The following SLIT1 variants were observed in gnomAD, a reference collection of about 807,000 sequenced individuals.
SLIT1 encodes the protein slit homolog 1 protein.
In SLIT1, 66 loss-of-function variants were observed where a neutral mutation model predicts 186.1. The ratio of observed to expected loss-of-function variants is 0.35; its 90% CI spans 0.29 to 0.44. The LOEUF is 0.44. Among genes scored for constraint, SLIT1 ranks in the 20% least tolerant of loss-of-function variants. SLIT1 has a pLI of 1.00. For missense variants in SLIT1, 1,638 were observed against 2,037.4 expected, an observed-to-expected ratio of 0.80 and a Z score of 3.77; for synonymous variants, 761 against 833.8, an observed-to-expected ratio of 0.91 and a Z score of 1.50.
intron 1 of SLIT1, among the ~76,000 whole-genome samples, chr10:97,166,916 C>T (rs115371126): frequency 0.014 from 2,101 of 152,262 alleles, 56 homozygotes; most frequent in African/African-American, 0.048. Flanking sequence ...AATCTGAACC[C>T]GTGGCCATCT....
At chr10:97,167,400 C>G (rs1850135035) in intron 1 of SLIT1, among the ~76,000 whole-genome samples, 1 of 152,156 alleles carries the variant, frequency 6.6e-6, no homozygotes, top group Non-Finnish European at 1.5e-5. Context: ...ATTCCCAAAC[C>G]TAAAACCACA....
chr10:97,064,294 G>A, intron 6 of SLIT1, 55 bp from the exon 7 acceptor site: 2 of 1,459,082 alleles, frequency 1.4e-6, no homozygotes, highest in Non-Finnish European at 1.9e-6. Context: ...GATGATGTGG[G>A]ACAGGGCCGC....
chr10:97,085,222 G>A (rs914548079), intron 4 of SLIT1, among the ~76,000 whole-genome samples: 1 of 149,712 alleles, frequency 6.7e-6, no homozygotes, highest in African/African-American at 2.5e-5. Flanking sequence ...CACGCCCAGC[G>A]TTACTTTTCT....
intron 29 of SLIT1, 80 bp from the exon 30 acceptor site, chr10:97,013,914 C>T: frequency 3.9e-6 from 6 of 1,550,882 alleles, no homozygotes; most frequent in Non-Finnish European, 5.2e-6. Context: ...CAGAAATCCT[C>T]CTGCAGACAC....
At chr10:97,065,943 G>T in intron 5 of SLIT1, 72 bp downstream of exon 5, 2 of 1,167,992 alleles carry the variant, frequency 1.7e-6, no homozygotes, top group Non-Finnish European at 2.5e-6. Flanking sequence ...CTCGCTCAGG[G>T]ATACCCTGAG....
chr10:97,177,450 T>C (rs1473341844), intron 1 of SLIT1, among the ~76,000 whole-genome samples: 1 of 152,224 alleles, frequency 6.6e-6, no homozygotes, highest in Non-Finnish European at 1.5e-5. Flanking sequence ...CCCTCGTATC[T>C]TGGCCTCTGC....
At position 97,046,659 on chromosome 10, in the gene SLIT1, C is replaced by T. The variant is rs1348820232; in HGVS notation, c.1848G>A (p.Arg616=). Residue 616 remains arginine, a synonymous_variant, in exon 18 of 37, where the codon AGG becomes AGA. Coordinates refer to ENST00000266058, the MANE Select transcript of SLIT1 (RefSeq NM_003061.3). ...SGMFRGLDGL[R]TLMLRNNRIS... is the part of the protein sequence containing the mutation. ...CCCCAGCCCTGCACACTCACAGGGT[C>T]CTCAAGCCATCCAGACCCCGGAACA... 2.2e-5 allele frequency: 35 copies of T among 1,607,078 alleles called. No individual in the cohort carries two copies. The highest frequency in any genetic ancestry group is 2.9e-5 in the Non-Finnish European group (34 of 1,179,638).
At chr10:97,150,864 C>T (rs899465635) in intron 4 of SLIT1, among the ~76,000 whole-genome samples, 8 of 152,164 alleles carry the variant, frequency 5.3e-5, no homozygotes, top group African/African-American at 1.9e-4. Context: ...AGGTTTCCAG[C>T]ATATCCCTCT....
intron 23 of SLIT1, among the ~76,000 whole-genome samples, chr10:97,032,039 C>G (rs1276702574): frequency 1.3e-5 from 2 of 152,240 alleles, no homozygotes; most frequent in Admixed American, 1.3e-4. Context: ...GAGAACATTC[C>G]CTAAGGGGCT....
intron 10 of SLIT1, 68 bp from the exon 11 acceptor site, chr10:97,059,599 C>G: frequency 8.7e-7 from 1 of 1,150,520 alleles, no homozygotes; most frequent in Admixed American, 1.7e-5. Context: ...TGCCCAGTCC[C>G]CTCCACCTCC....
rs1848398648 is a variant in SLIT1 at position 97,010,204 on chromosome 10, T to C, written c.3341+789A>G. ...GGGTAAACAAAATGTGGTATGTCCATACGGCAGAACACTGTTTAGCCATAA... is the reference window on the plus strand; with the variant it reads ...GGGTAAACAAAATGTGGTATGTCCACACGGCAGAACACTGTTTAGCCATAA... On this transcript the variant is annotated intron_variant, in intron 31 of 36. Transcript: ENST00000266058. The surrounding 1 kb of genome is among the most constrained non-coding windows in gnomAD (Gnocchi z 4.8). Among the ~76,000 whole-genome samples, 1 of 152,226 alleles carries C rather than the reference T, an allele frequency of 6.6e-6. No homozygotes were observed. The highest frequency in any genetic ancestry group is 2.4e-5 in the African/African-American group (1 of 41,464).
chr10:97,050,240 T>C (rs1318487369), intron 13 of SLIT1, among the ~76,000 whole-genome samples: 1 of 152,156 alleles, frequency 6.6e-6, no homozygotes, highest in African/African-American at 2.4e-5. Flanking sequence ...TCCATCTAAG[T>C]GCCATCAGTT....
intron 4 of SLIT1, among the ~76,000 whole-genome samples, chr10:97,077,308 C>T (rs758623216): frequency 9.9e-5 from 15 of 152,068 alleles, no homozygotes; most frequent in Non-Finnish European, 2.2e-4. Flanking sequence ...ATCCTGGGAG[C>T]TGCCTTTGCC....
chr10:97,141,799 A>T (rs1050722927), intron 4 of SLIT1, among the ~76,000 whole-genome samples: 1 of 151,492 alleles, frequency 6.6e-6, no homozygotes, highest in Non-Finnish European at 1.5e-5. Context: ...ACTGTATTGT[A>T]TTGTATTGTA....
At chr10:97,119,913 GTATATATATATATATATATATATA>G (rs55656011) in intron 4 of SLIT1, among the ~76,000 whole-genome samples, 1 of 56,510 alleles carries the variant, frequency 1.8e-5, no homozygotes, top group Non-Finnish European at 3.7e-5. Flanking sequence ...TTCCAAAGGG[GTATATATATATATATATATATATA>G]TATATATATG....
chr10:97,172,936 A>G (rs540372565), intron 1 of SLIT1, among the ~76,000 whole-genome samples: 3,448 of 48,298 alleles, frequency 0.071, 61 homozygotes, highest in Non-Finnish European at 0.14. Flanking sequence ...GGAAGGAGGG[A>G]GAGAGAGAGA....
intron 4 of SLIT1, among the ~76,000 whole-genome samples, chr10:97,105,949 G>A (rs7894738): frequency 0.29 from 43,453 of 152,066 alleles, 6,834 homozygotes; most frequent in African/African-American, 0.43. Flanking sequence ...CAGGATATGG[G>A]ACAGAACCTC....
At position 97,021,601 on chromosome 10, in the gene SLIT1, C is replaced by T. The variant is rs1403314015; in HGVS notation, c.2583-188G>A. On this transcript the variant is annotated intron_variant, in intron 25 of 36. Coordinates refer to ENST00000266058, the MANE Select transcript of SLIT1 (RefSeq NM_003061.3). This position sits in a 1 kb window ranked among gnomAD's most constrained non-coding sequence, Gnocchi z 4.5. ...TTTTTGAGATGGAGTGTCGCTCTGT[C>T]GCCCAGGCTGGAGTGCAGTGGCGTA... Among the ~76,000 whole-genome samples the T allele has an allele frequency of 1.3e-5, 2 of 150,338 alleles. No homozygotes were observed. The highest frequency in any genetic ancestry group is 2.1e-4 in the South Asian group (1 of 4,746).
chr10:97,084,772 AT>A (rs1258062140), intron 4 of SLIT1, among the ~76,000 whole-genome samples: 1 of 151,010 alleles, frequency 6.6e-6, no homozygotes, highest in Non-Finnish European at 1.5e-5. Context: ...CGCTTGGCTA[AT>A]TTTTTGTATT....
Sources: allele counts gnomAD v4.1 joint callset (sites outside exome capture counted in the v4.1 genomes callset), GRCh38; gene constraint gnomAD v4.1.1; non-coding constraint Gnocchi (gnomAD v3.1); transcripts MANE v1.5; gene names NCBI Gene and HGNC (gene_info 2026-07-23, HGNC 2026-07-21).